The following NIPAL3 variants were observed in gnomAD, a reference collection of about 807,000 sequenced individuals.
NIPAL3 encodes NIPA-like protein 3.
In NIPAL3, 41 loss-of-function variants were observed where a neutral mutation model predicts 47.2. The ratio of observed to expected loss-of-function variants is 0.87; its 90% CI spans 0.68 to 1.13. The LOEUF (loss-of-function observed/expected upper bound fraction) is 1.13, where lower values mean the gene tolerates loss of function less well. Among genes scored for constraint, NIPAL3 ranks in the 50% most tolerant of loss-of-function variants. NIPAL3 has a pLI of 0.00. For missense variants in NIPAL3, 449 were observed against 530.1 expected, an observed-to-expected ratio of 0.85 and a Z score of 1.50; for synonymous variants, 194 against 209.6, an observed-to-expected ratio of 0.93 and a Z score of 0.64.
In NIPAL3 at chr1:24,453,293, C is replaced by T. The variant is rs1646028978; in HGVS notation, c.541-115C>T. The T allele has an allele frequency of 2.1e-5, 14 of 681,798 alleles. No individual in the cohort carries two copies. In the South Asian group the frequency reaches 2.2e-4, roughly 10 times the overall value. The allele number at this position is 681,798 out of a possible 1,614,324, so 42.2% of individuals were successfully genotyped here. A position where few individuals can be genotyped will look rare whatever the true frequency, so the allele number is the denominator to read the frequency against. The stretch of plus-strand genomic sequence containing the variant: ...TAGTTTGGGAAATGCTGAATCATAG[C>T]TCAGTCATTCCCTTTCAACCCTGTG... On this transcript the variant is annotated intron_variant, in intron 6 of 11. Transcript: ENST00000374399.
chr1:24,453,847 A>G (rs1211065987), intron 7 of NIPAL3, among the ~76,000 whole-genome samples: 1 of 152,186 alleles, frequency 6.6e-6, no homozygotes, highest in African/African-American at 2.4e-5. Context: ...GTAGTAGAGC[A>G]TGCCCCAGCG....
chr1:24,438,952 A>G (rs1445469365), intron 2 of NIPAL3, among the ~76,000 whole-genome samples: 2 of 152,216 alleles, frequency 1.3e-5, no homozygotes, highest in Non-Finnish European at 2.9e-5. Flanking sequence ...GGACTAATCC[A>G]TACAAACGCA....
chr1:24,438,446 C>G (rs908501525), intron 2 of NIPAL3, among the ~76,000 whole-genome samples: 1 of 152,216 alleles, frequency 6.6e-6, no homozygotes, highest in Non-Finnish European at 1.5e-5. Flanking sequence ...AGTTGGTGGG[C>G]CTCCCTCTCG....
chr1:24,423,517 C>G (rs1644428474), intron 2 of NIPAL3, among the ~76,000 whole-genome samples: 1 of 152,126 alleles, frequency 6.6e-6, no homozygotes. Flanking sequence ...ATAGTCCCAG[C>G]TACTGGGGAG....
In NIPAL3 at chr1:24,416,300, G is replaced by A; in HGVS notation, c.-258+396G>A. The A allele has an allele frequency of 1.0e-6, 1 of 985,450 alleles. No individual in the cohort carries two copies. Among genetic ancestry groups the A allele is most frequent in the Non-Finnish European group, 1.2e-6 (1 of 829,928 alleles). The allele number at this position is 985,450 out of a possible 1,614,324, so 61.0% of individuals were successfully genotyped here. Reference sequence around the variant, plus strand: ...AACAGAGGTGCTGTCTCCTCGAGTTGTAAGTTTCCAGCTCAGTGGGACGGG... The same window carrying A: ...AACAGAGGTGCTGTCTCCTCGAGTTATAAGTTTCCAGCTCAGTGGGACGGG... On this transcript the variant is annotated intron_variant, in intron 1 of 11. Coordinates refer to ENST00000374399, the MANE Select transcript of NIPAL3 (RefSeq NM_020448.5). The surrounding 1 kb of genome is among the most constrained non-coding windows in gnomAD (Gnocchi z 4.8).
Position 24,468,836 on chromosome 1 carries a change from T to C in NIPAL3, c.1022-150T>C, listed in dbSNP as rs1646805787. On this transcript the variant is annotated intron_variant, in intron 11 of 11. Coordinates refer to ENST00000374399, the MANE Select transcript of NIPAL3 (RefSeq NM_020448.5). ...AGTTCCAGTGTATATTTGTGGGTGT[T>C]CTCTTTTAAATCTAAAGCATTCAGG... The C allele has an allele frequency of 1.7e-5, 12 of 710,478 alleles. No homozygotes were observed. In the East Asian group the frequency reaches 3.2e-4, roughly 19 times the overall value. 44.0% of individuals were successfully genotyped at this position (710,478 alleles called of 1,614,324 possible). A position where few individuals can be genotyped will look rare whatever the true frequency, so the allele number is the denominator to read the frequency against.
intron 2 of NIPAL3, among the ~76,000 whole-genome samples, chr1:24,435,120 G>T (rs1027493339): frequency 6.6e-6 from 1 of 152,228 alleles, no homozygotes; most frequent in Non-Finnish European, 1.5e-5. Context: ...ATGGTCAGTT[G>T]ATTTCAACAA....
At chr1:24,448,119 C>T (rs1374972467) in intron 5 of NIPAL3, among the ~76,000 whole-genome samples, 1 of 152,196 alleles carries the variant, frequency 6.6e-6, no homozygotes, top group Non-Finnish European at 1.5e-5. Flanking sequence ...CCTACATTTA[C>T]GAGGCCTAGT....
At chr1:24,467,290 C>T (rs1013984620) in intron 11 of NIPAL3, among the ~76,000 whole-genome samples, 3 of 140,678 alleles carry the variant, frequency 2.1e-5, no homozygotes, top group African/African-American at 7.8e-5. Flanking sequence ...GGTGAAACCC[C>T]GTCTTTACTA....
At chr1:24,432,253 G>T (rs936830728) in intron 2 of NIPAL3, among the ~76,000 whole-genome samples, 2 of 152,166 alleles carry the variant, frequency 1.3e-5, no homozygotes, top group Admixed American at 1.3e-4. Flanking sequence ...TCAGCCTCCC[G>T]AGTAGCTGGA....
At chr1:24,440,526 G>A (rs1325546798) in intron 3 of NIPAL3, among the ~76,000 whole-genome samples, 1 of 152,192 alleles carries the variant, frequency 6.6e-6, no homozygotes, top group Non-Finnish European at 1.5e-5. Flanking sequence ...TTGCCTTGCT[G>A]CAAAGCTGCT....
intron 10 of NIPAL3, among the ~76,000 whole-genome samples, chr1:24,463,161 C>T (rs1274549744): frequency 1.3e-5 from 2 of 151,850 alleles, no homozygotes; most frequent in African/African-American, 4.8e-5. Flanking sequence ...TGACTCCAGC[C>T]TGGGCAACAG....
chr1:24,471,116 G>A lies in NIPAL3; in HGVS notation c.*1931G>A, dbSNP rs1484868081. On this transcript the variant is annotated 3_prime_UTR_variant, in exon 12 of 12. Coordinates refer to ENST00000374399, the MANE Select transcript of NIPAL3 (RefSeq NM_020448.5). ...GTATTCAGAAGTGGAGATGATTTTGGCCCCACTCATAGATGGGTGGCAAAT... is the reference window on the plus strand; with the variant it reads ...GTATTCAGAAGTGGAGATGATTTTGACCCCACTCATAGATGGGTGGCAAAT... The A allele has an allele frequency of 1.3e-5, 2 of 152,200 alleles. No homozygotes were observed. The highest frequency in any genetic ancestry group is 4.8e-5 in the African/African-American group (2 of 41,422). The allele number at this position is 152,200 out of a possible 1,614,324, so 9.4% of individuals were successfully genotyped here.
intron 2 of NIPAL3, among the ~76,000 whole-genome samples, chr1:24,429,602 G>A (rs1037604827): frequency 1.3e-5 from 2 of 152,184 alleles, no homozygotes; most frequent in Non-Finnish European, 2.9e-5. Flanking sequence ...AGAGAGCTCC[G>A]CTTTAGTGGC....
At chr1:24,467,173 T>G (rs993795850) in intron 11 of NIPAL3, among the ~76,000 whole-genome samples, 1 of 152,142 alleles carries the variant, frequency 6.6e-6, no homozygotes, top group African/African-American at 2.4e-5. Context: ...GTTAAGAGTA[T>G]GGACTTCCGG....
At chr1:24,463,601 C>T (rs1417659757) in intron 10 of NIPAL3, among the ~76,000 whole-genome samples, 2 of 152,078 alleles carry the variant, frequency 1.3e-5, no homozygotes, top group African/African-American at 4.8e-5. Flanking sequence ...CCTACCTGGC[C>T]GAGTGAGACC....
intron 2 of NIPAL3, among the ~76,000 whole-genome samples, chr1:24,423,519 A>G (rs899806320): frequency 6.6e-6 from 1 of 152,136 alleles, no homozygotes; most frequent in Non-Finnish European, 1.5e-5. Flanking sequence ...AGTCCCAGCT[A>G]CTGGGGAGGC....
chr1:24,467,708 G>A (rs1294365970), intron 11 of NIPAL3, among the ~76,000 whole-genome samples: 2 of 152,140 alleles, frequency 1.3e-5, no homozygotes, highest in African/African-American at 2.4e-5. Flanking sequence ...CATTGTCATT[G>A]CTATTGTTGT....
intron 11 of NIPAL3, among the ~76,000 whole-genome samples, chr1:24,467,856 C>A (rs1002205177): frequency 1.3e-5 from 2 of 152,046 alleles, no homozygotes; most frequent in African/African-American, 4.8e-5. Flanking sequence ...ATAGACTCTA[C>A]CTCAAAAAAG....
Sources: allele counts gnomAD v4.1 joint callset (sites outside exome capture counted in the v4.1 genomes callset), GRCh38; gene constraint gnomAD v4.1.1; non-coding constraint Gnocchi (gnomAD v3.1); transcripts MANE v1.5; gene names NCBI Gene and HGNC (gene_info 2026-07-23, HGNC 2026-07-21).